The following ST7 variants were observed in gnomAD, a reference collection of about 807,000 sequenced individuals.
ST7 encodes the protein suppression of tumorigenicity 7, also known as suppressor of tumorigenicity 7 protein.
A neutral mutation model predicts 78.7 loss-of-function variants in ST7; 28 were observed. The ratio of observed to expected loss-of-function variants is 0.36; its 90% CI spans 0.26 to 0.49. The LOEUF is 0.49. Ranked by LOEUF, ST7 falls within the 20% of genes least tolerant of loss-of-function variation. The pLI, the probability that ST7 is intolerant of heterozygous loss-of-function variation, is 0.99. For synonymous variants in ST7, 247 were observed against 249.6 expected (o/e 0.99, Z 0.10); for missense variants, 418 against 696.0 (o/e 0.60, Z 4.49).
At chr7:117,052,822 A>T (rs1212326735) in intron 1 of ST7, among the ~76,000 whole-genome samples, 6 of 152,256 alleles carry the variant, frequency 3.9e-5, no homozygotes, top group Admixed American at 3.9e-4. Context: ...TGAACGCAGG[A>T]GGCGGAGCTT....
intron 11 of ST7, 130 bp downstream of exon 11, chr7:117,189,523 C>G (rs373304707): frequency 3.5e-6 from 2 of 573,700 alleles, no homozygotes; most frequent in African/African-American, 1.9e-5. Flanking sequence ...TTTCCAAAAC[C>G]TGCTGTTCTT....
chr7:117,055,289 G>T (rs944358557), intron 1 of ST7, among the ~76,000 whole-genome samples: 2 of 151,868 alleles, frequency 1.3e-5, no homozygotes, highest in African/African-American at 4.8e-5. Context: ...TGCAACCTCC[G>T]TCTCCTGAGT....
intron 1 of ST7, among the ~76,000 whole-genome samples, chr7:117,027,106 A>G (rs1796222083): frequency 6.6e-6 from 1 of 152,270 alleles, no homozygotes; most frequent in Non-Finnish European, 1.5e-5. Context: ...AGTATGAGTA[A>G]TAGACACATA....
At chr7:117,073,816 A>G (rs903725404) in intron 1 of ST7, 2 of 152,220 alleles carry the variant, frequency 1.3e-5, no homozygotes, top group Non-Finnish European at 2.9e-5. Context: ...AATAAAATAC[A>G]TACTTTCCCA....
At chr7:117,024,246 G>T (rs1796080492) in intron 1 of ST7, among the ~76,000 whole-genome samples, 1 of 152,078 alleles carries the variant, frequency 6.6e-6, no homozygotes, top group East Asian at 1.9e-4. Context: ...TCTTTTTGTG[G>T]AGTAAATGGT....
chr7:116,984,906 T>TA (rs958162126), intron 1 of ST7, among the ~76,000 whole-genome samples: 25 of 152,194 alleles, frequency 1.6e-4, no homozygotes, highest in Admixed American at 7.2e-4. Context: ...TTAAATTTGT[T>TA]AAAAAAATTG....
At chr7:116,966,260 T>A in intron 1 of ST7, 1 of 292,410 alleles carries the variant, frequency 3.4e-6, no homozygotes, top group Non-Finnish European at 6.9e-6. Flanking sequence ...TTTTTTTTTT[T>A]TTTTTTTAAG....
At position 117,223,165 on chromosome 7, in the gene ST7, G is replaced by T. The variant is rs889274366; in HGVS notation, c.1638+1103G>T. The T allele has an allele frequency of 1.7e-5, 10 of 592,982 alleles. No homozygotes were observed. The African/African-American group carries it at 1.9e-4, about 11-fold the overall frequency. 36.7% of individuals were successfully genotyped at this position (592,982 alleles called of 1,614,324 possible). A position where few individuals can be genotyped will look rare whatever the true frequency, so the allele number is the denominator to read the frequency against. On this transcript the variant is annotated intron_variant, in intron 15 of 15. Coordinates refer to ENST00000323984, the MANE Select transcript of ST7 (RefSeq NM_001369598.1). ...CAGTTCTAACCTCCTAAGCAACTAG[G>T]CCTTCAGTAAATGTGATTCACCTCT...
intron 9 of ST7, 44 bp from the exon 10 acceptor site, chr7:117,170,818 A>G: frequency 2.2e-6 from 2 of 906,378 alleles, no homozygotes; most frequent in Non-Finnish European, 3.2e-6. Flanking sequence ...AAATTATAAG[A>G]CATACATAAT....
chr7:116,972,262 A>C (rs1382696066), intron 1 of ST7: 1 of 549,358 alleles, frequency 1.8e-6, no homozygotes, highest in Non-Finnish European at 3.4e-6. Flanking sequence ...CAGGTCTTCA[A>C]TTGTATTTTC....
intron 1 of ST7, chr7:116,968,337 C>T (rs1298978512): frequency 1.3e-5 from 4 of 302,356 alleles, no homozygotes; most frequent in Admixed American, 3.6e-5. Flanking sequence ...CCTTTCCTCC[C>T]TCCCTCCCTC....
At chr7:117,055,679 T>C (rs117864832) in intron 1 of ST7, among the ~76,000 whole-genome samples, 242 of 152,258 alleles carry the variant, frequency 1.6e-3, no homozygotes, top group Non-Finnish European at 2.8e-3. Context: ...TGATAAAATA[T>C]TAGGTGCTTT....
chr7:116,955,510 G>A (rs1792418903), intron 1 of ST7, among the ~76,000 whole-genome samples: 1 of 152,104 alleles, frequency 6.6e-6, no homozygotes, highest in African/African-American at 2.4e-5. Context: ...TGAAGGCAGA[G>A]CCTTCATGAC....
intron 1 of ST7, among the ~76,000 whole-genome samples, chr7:117,099,209 T>A (rs1203484959): frequency 6.6e-5 from 10 of 152,084 alleles, no homozygotes; most frequent in Non-Finnish European, 1.0e-4. Context: ...CTTTTACTCA[T>A]CATACACTGG....
At chr7:116,983,441 T>C (rs1306589796) in intron 1 of ST7, among the ~76,000 whole-genome samples, 1 of 152,178 alleles carries the variant, frequency 6.6e-6, no homozygotes, top group Non-Finnish European at 1.5e-5. Context: ...ATCACATGCT[T>C]GGGTTTTGAA....
At chr7:117,201,314 T>A (rs1400728279) in intron 12 of ST7, among the ~76,000 whole-genome samples, 1 of 152,128 alleles carries the variant, frequency 6.6e-6, no homozygotes, top group African/African-American at 2.4e-5. Flanking sequence ...TTTAGCCACA[T>A]TTCTCAGGAA....
At chr7:116,987,566 A>C (rs2116362999) in intron 1 of ST7, among the ~76,000 whole-genome samples, 1 of 152,320 alleles carries the variant, frequency 6.6e-6, no homozygotes, top group Non-Finnish European at 1.5e-5. Context: ...TCTTGGCACC[A>C]GTCCCTTCAC....
chr7:117,007,877 A>G (rs1052674916), intron 1 of ST7, among the ~76,000 whole-genome samples: 3 of 152,198 alleles, frequency 2.0e-5, no homozygotes, highest in Admixed American at 6.6e-5. Context: ...TTTGAAGTCT[A>G]TAGTTGCACA....
intron 13 of ST7, among the ~76,000 whole-genome samples, chr7:117,214,910 T>TTGTGTGTG (rs147915016): frequency 3.1e-4 from 44 of 143,266 alleles, no homozygotes; most frequent in African/African-American, 8.9e-4. Context: ...GGAAGAACAT[T>TTGTGTGTG]TGTGTGTGTG....
Sources: allele counts gnomAD v4.1 joint callset (sites outside exome capture counted in the v4.1 genomes callset), GRCh38; gene constraint gnomAD v4.1.1; transcripts MANE v1.5; gene names NCBI Gene and HGNC (gene_info 2026-07-23, HGNC 2026-07-21).